Variants in CSMD1 observed in about 807,000 individuals in gnomAD.
The protein encoded by CSMD1 is CUB and Sushi multiple domains 1.
In CSMD1, 213 loss-of-function variants were observed where a neutral mutation model predicts 417.5. The observed-to-expected ratio is 0.51, with a 90% CI of 0.46 to 0.57. The LOEUF (loss-of-function observed/expected upper bound fraction) is 0.57, where lower values mean the gene tolerates loss of function less well. CSMD1 is among the 20% of genes least tolerant of loss of function. The pLI, the probability that CSMD1 is intolerant of heterozygous loss-of-function variation, is 0.00. For synonymous variants in CSMD1, 2,862 were observed against 1,736.8 expected, an observed-to-expected ratio of 1.65 and a Z score of -16.11; for missense variants, 6,923 against 4,529.7, an observed-to-expected ratio of 1.53 and a Z score of -15.17.
chr8:3,107,162 C>T (rs10503193), intron 45 of CSMD1: 141,065 of 155,370 alleles, frequency 0.91, 64,688 homozygotes, highest in Non-Finnish European at 0.96. Flanking sequence ...ATAACTATAC[C>T]ATAAACATAT....
intron 1 of CSMD1, among the ~76,000 whole-genome samples, chr8:4,808,039 C>A (rs1798689393): frequency 6.6e-6 from 1 of 152,170 alleles, no homozygotes; most frequent in African/African-American, 2.4e-5. Flanking sequence ...GATAGCACAT[C>A]TGGTTGACTT....
intron 2 of CSMD1, among the ~76,000 whole-genome samples, chr8:4,477,987 A>T (rs1746049686): frequency 6.6e-6 from 1 of 152,212 alleles, no homozygotes; most frequent in African/African-American, 2.4e-5. Flanking sequence ...TCCATGCAGA[A>T]AACTGTTAAG....
chr8:4,903,079 T>C (rs893198176), intron 1 of CSMD1, among the ~76,000 whole-genome samples: 4 of 151,880 alleles, frequency 2.6e-5, no homozygotes, highest in African/African-American at 9.7e-5. Context: ...ATGTATTAGA[T>C]ATACGCAGCC....
At chr8:4,723,801 C>CAAAAA (rs1160845027) in intron 1 of CSMD1, among the ~76,000 whole-genome samples, 1 of 98,040 alleles carries the variant, frequency 1.0e-5, no homozygotes, top group African/African-American at 3.8e-5. Flanking sequence ...AAAAAAAAAA[C>CAAAAA]AAAAAAAAAA....
At chr8:4,891,107 G>C (rs367556060) in intron 1 of CSMD1, among the ~76,000 whole-genome samples, 5 of 152,114 alleles carry the variant, frequency 3.3e-5, no homozygotes, top group Non-Finnish European at 7.4e-5. Flanking sequence ...AACTAGCAAA[G>C]CCTTCCTGAG....
chr8:4,815,179 C>G (rs563637731), intron 1 of CSMD1, among the ~76,000 whole-genome samples: 1 of 152,088 alleles, frequency 6.6e-6, no homozygotes, highest in African/African-American at 2.4e-5. Flanking sequence ...GTCTCCAGAT[C>G]AATAGATTTG....
At chr8:4,559,445 G>C (rs1238522670) in intron 2 of CSMD1, among the ~76,000 whole-genome samples, 2 of 152,028 alleles carry the variant, frequency 1.3e-5, no homozygotes, top group African/African-American at 4.8e-5. Context: ...AATAAAGAAG[G>C]GGTTAAAATA....
chr8:4,410,602 A>T (rs1259299874), intron 3 of CSMD1, among the ~76,000 whole-genome samples: 1 of 152,188 alleles, frequency 6.6e-6, no homozygotes, highest in Non-Finnish European at 1.5e-5. Flanking sequence ...TTTTTCATTT[A>T]TCTGAAATTA....
intron 2 of CSMD1, among the ~76,000 whole-genome samples, chr8:4,428,216 A>T (rs1394993879): frequency 2.6e-5 from 4 of 152,178 alleles, no homozygotes; most frequent in Non-Finnish European, 4.4e-5. Context: ...GTGTCCACTG[A>T]ACCACACATT....
intron 5 of CSMD1, among the ~76,000 whole-genome samples, chr8:3,838,611 T>A (rs1172180052): frequency 7.3e-6 from 1 of 137,166 alleles, no homozygotes; most frequent in Non-Finnish European, 1.5e-5. Context: ...AATATTTATA[T>A]ATAATAAATA....
At chr8:4,084,381 C>A (rs1018539309) in intron 3 of CSMD1, among the ~76,000 whole-genome samples, 1 of 151,220 alleles carries the variant, frequency 6.6e-6, no homozygotes, top group Non-Finnish European at 1.5e-5. Flanking sequence ...GAATTAGAAA[C>A]AATATGCGAT....
chr8:4,787,258 C>G (rs1393321584), intron 1 of CSMD1: 4 of 567,312 alleles, frequency 7.1e-6, no homozygotes, highest in Non-Finnish European at 1.3e-5. Context: ...CAGAGATGCT[C>G]TCTGATCACC....
At chr8:3,508,112 G>C (rs188315830) in intron 10 of CSMD1, among the ~76,000 whole-genome samples, 1 of 152,076 alleles carries the variant, frequency 6.6e-6, no homozygotes. Context: ...TATTGCCTAG[G>C]TTTCCTTCTA....
chr8:4,223,952 C>T (rs536120674), intron 3 of CSMD1, among the ~76,000 whole-genome samples: 2 of 152,162 alleles, frequency 1.3e-5, no homozygotes, highest in African/African-American at 4.8e-5. Context: ...TGTGCTTGAA[C>T]ATACTAGTCC....
intron 5 of CSMD1, among the ~76,000 whole-genome samples, chr8:3,799,995 A>G (rs1189848216): frequency 1.3e-5 from 2 of 152,302 alleles, no homozygotes; most frequent in South Asian, 2.1e-4. Flanking sequence ...GAAGTCCACT[A>G]TTTGTGTAAC....
At chr8:2,954,622 A>G (rs532676989) in intron 64 of CSMD1, among the ~76,000 whole-genome samples, 1 of 152,282 alleles carries the variant, frequency 6.6e-6, no homozygotes, top group South Asian at 2.1e-4. Context: ...CCAAATAACC[A>G]TGATGTTACA....
intron 26 of CSMD1, among the ~76,000 whole-genome samples, chr8:3,262,035 T>G (rs1801103733): frequency 6.6e-6 from 1 of 151,782 alleles, no homozygotes; most frequent in Non-Finnish European, 1.5e-5. Flanking sequence ...CTGTTTTATT[T>G]GTTGCCACTC....
intron 26 of CSMD1, among the ~76,000 whole-genome samples, chr8:3,255,245 T>G (rs932023227): frequency 3.3e-5 from 5 of 151,914 alleles, no homozygotes; most frequent in Non-Finnish European, 5.9e-5. Context: ...TTCTCAGGGG[T>G]GTACCCAGCC....
At chr8:4,750,037 C>T (rs1266034732) in intron 1 of CSMD1, among the ~76,000 whole-genome samples, 2 of 151,544 alleles carry the variant, frequency 1.3e-5, no homozygotes. Flanking sequence ...GATGGAGTCT[C>T]GCTCTGTCGC....
Sources: gnomAD v4.1 joint callset for allele counts (sites outside exome capture counted in the v4.1 genomes callset) on GRCh38, gnomAD v4.1.1 for gene constraint, MANE v1.5 for transcripts, NCBI Gene and HGNC (gene_info 2026-07-23, HGNC 2026-07-21) for gene names.